Variants in CD8B observed in about 807,000 individuals in gnomAD.
The protein encoded by CD8B is T-cell surface glycoprotein CD8 beta chain.
Under a neutral mutation model 24.2 loss-of-function variants are expected in CD8B, and 6 were observed. The observed-to-expected ratio is 0.25, with a 90% confidence interval of 0.14 to 0.49. The LOEUF (loss-of-function observed/expected upper bound fraction) is 0.49, where lower values mean the gene tolerates loss of function less well. Among genes scored for constraint, CD8B ranks in the 20% least tolerant of loss-of-function variants. The pLI is 0.98. For synonymous variants in CD8B, 84 were observed against 108.3 expected, an observed-to-expected ratio of 0.78 and a Z score of 1.39; for missense variants, 196 against 271.3, an observed-to-expected ratio of 0.72 and a Z score of 1.95.
chr2:86,860,194 C>T (rs1336153689), intron 1 of CD8B, among the ~76,000 whole-genome samples: 5 of 152,378 alleles, frequency 3.3e-5, no homozygotes, highest in East Asian at 1.9e-4. Flanking sequence ...CGCTTGAACC[C>T]GGGAGGCGGA....
intron 5 of CD8B, among the ~76,000 whole-genome samples, chr2:86,820,665 G>T (rs929585243): frequency 6.6e-6 from 1 of 152,076 alleles, no homozygotes; most frequent in African/African-American, 2.4e-5. Flanking sequence ...GCTTTATTGT[G>T]GTGGTCTGGA....
At chr2:86,846,356 G>T (rs1675675569) in intron 4 of CD8B, among the ~76,000 whole-genome samples, 1 of 152,028 alleles carries the variant, frequency 6.6e-6, no homozygotes. Context: ...AGGCATTTGG[G>T]GTAGGAATTT....
intron 3 of CD8B, 46 bp from the exon 4 acceptor site, chr2:86,846,819 T>C: frequency 7.4e-7 from 1 of 1,345,922 alleles, no homozygotes; most frequent in Non-Finnish European, 1.0e-6. Flanking sequence ...AACATTTTTC[T>C]GCATGAGACA....
At chr2:86,828,828 G>C (rs561838609) in intron 5 of CD8B, among the ~76,000 whole-genome samples, 8 of 152,186 alleles carry the variant, frequency 5.3e-5, no homozygotes, top group African/African-American at 1.9e-4. Context: ...TCTTAAAAAT[G>C]GGGTCCTACT....
chr2:86,834,073 A>T (rs1675068691), downstream of CD8B, among the ~76,000 whole-genome samples: 1 of 152,168 alleles, frequency 6.6e-6, no homozygotes, highest in African/African-American at 2.4e-5. Flanking sequence ...TATTTTGCCC[A>T]AACAATATGG....
chr2:86,854,049 C>T (rs1676111254), intron 2 of CD8B, among the ~76,000 whole-genome samples: 2 of 152,134 alleles, frequency 1.3e-5, no homozygotes, highest in African/African-American at 4.8e-5. Context: ...CCGACCTACA[C>T]CCCTGATTAA....
intron 3 of CD8B, among the ~76,000 whole-genome samples, chr2:86,850,923 TC>T: frequency 1.3e-5 from 2 of 152,040 alleles, no homozygotes; most frequent in Non-Finnish European, 2.9e-5. Flanking sequence ...AAACCCTGCC[TC>T]TACTAAAAAT....
At chr2:86,851,775 C>T (rs1015480585) in intron 3 of CD8B, among the ~76,000 whole-genome samples, 9 of 152,074 alleles carry the variant, frequency 5.9e-5, no homozygotes, top group African/African-American at 2.2e-4. Flanking sequence ...AGTATTTTTC[C>T]AGAAACACGT....
chr2:86,834,025 G>T (rs1033736341), downstream of CD8B, among the ~76,000 whole-genome samples: 1 of 152,114 alleles, frequency 6.6e-6, no homozygotes, highest in Non-Finnish European at 1.5e-5. Flanking sequence ...CTTATTAAAT[G>T]ATTCCCTATT....
intron 5 of CD8B, among the ~76,000 whole-genome samples, chr2:86,818,626 T>C (rs1261772126): frequency 6.6e-6 from 1 of 152,170 alleles, no homozygotes; most frequent in East Asian, 1.9e-4. Flanking sequence ...AAATGTTGGG[T>C]GTGTTCTGAC....
chr2:86,820,221 C>A (rs184068897), intron 5 of CD8B, among the ~76,000 whole-genome samples: 2 of 152,162 alleles, frequency 1.3e-5, no homozygotes, highest in Non-Finnish European at 2.9e-5. Context: ...GAGAAAGAGG[C>A]GTCAGTATTT....
intron 3 of CD8B, among the ~76,000 whole-genome samples, chr2:86,848,709 T>TTTATTTATTTAA (rs1675815531): frequency 2.6e-5 from 2 of 78,336 alleles, no homozygotes; most frequent in Non-Finnish European, 4.6e-5. Context: ...AAATTATTTA[T>TTTATTTATTTAA]TTATTTATTT....
chr2:86,849,687 A>G (rs974950215), intron 3 of CD8B, among the ~76,000 whole-genome samples: 1 of 149,508 alleles, frequency 6.7e-6, no homozygotes, highest in Non-Finnish European at 1.5e-5. Context: ...TATGCAAATT[A>G]TATCTCAACT....
At chr2:86,858,896 C>A (rs998219043) in intron 1 of CD8B, among the ~76,000 whole-genome samples, 14 of 152,050 alleles carry the variant, frequency 9.2e-5, no homozygotes, top group Non-Finnish European at 4.4e-5. Context: ...TAGGCATGTA[C>A]CACCACAAAA....
rs564138307 is a variant in CD8B, at chr2:86,842,074, G to A, written c.*233C>T. The A allele has an allele frequency of 6.9e-6, 9 of 1,311,152 alleles. No individual in the cohort carries two copies. The South Asian group carries it at 1.9e-4, about 27-fold the overall frequency. The allele number at this position is 1,311,152 out of a possible 1,614,324, so 81.2% of individuals were successfully genotyped here. A position where few individuals can be genotyped will look rare whatever the true frequency, so the allele number is the denominator to read the frequency against. ...CTTACTCAGTCCTCCAGCACACTCT[G>A]TGAAGTGCCCTGGGGGCAATGAAAC... is the stretch of plus-strand genomic sequence containing the variant. On this transcript the variant is annotated 3_prime_UTR_variant, in exon 6 of 6. Coordinates refer to ENST00000390655, the MANE Select transcript of CD8B (RefSeq NM_004931.5).
At chr2:86,852,860 C>T (rs1215423529) in intron 3 of CD8B, 137 bp downstream of exon 3, 1 of 1,386,780 alleles carries the variant, frequency 7.2e-7, no homozygotes, top group East Asian at 2.5e-5. Context: ...AGCATCCTTT[C>T]TGACCCTAGC....
At chr2:86,844,982 C>T in intron 4 of CD8B, 24 bp from the exon 5 acceptor site, 1 of 1,556,634 alleles carries the variant, frequency 6.4e-7, no homozygotes, top group South Asian at 1.2e-5. Context: ...GCAAGGGCGC[C>T]AGTCAGTGTG....
chr2:86,851,265 T>C (rs1675963251), intron 3 of CD8B, among the ~76,000 whole-genome samples: 1 of 152,114 alleles, frequency 6.6e-6, no homozygotes, highest in Admixed American at 6.5e-5. Context: ...GTTTCTTCTT[T>C]TGGTGGCAGG....
At chr2:86,833,857 A>G (rs57042032), downstream of CD8B, among the ~76,000 whole-genome samples, 48,972 of 150,782 alleles carry the variant, frequency 0.32, 8,359 homozygotes, top group Non-Finnish European at 0.39. Context: ...CACCATCTTG[A>G]CCAGGCTGGT....
Sources: gnomAD v4.1 joint callset for allele counts (sites outside exome capture counted in the v4.1 genomes callset) on GRCh38, gnomAD v4.1.1 for gene constraint, MANE v1.5 for transcripts, NCBI Gene and HGNC (gene_info 2026-07-23, HGNC 2026-07-21) for gene names.